The following NHERF2 variants were observed in gnomAD, a reference collection of about 807,000 sequenced individuals.
NHERF2 encodes Na(+)/H(+) exchange regulatory cofactor NHE-RF2.
At chr16:2,032,352 G>C in the NHERF2 span, among the ~76,000 whole-genome samples, 1 of 152,216 alleles carries the variant, frequency 6.6e-6, no homozygotes, top group Admixed American at 6.5e-5. The surrounding 1 kb of genome is among the most constrained non-coding windows in gnomAD (Gnocchi z 4.0). Flanking sequence ...TGAGCTCCCA[G>C]CATGGGCAGG....
At chr16:2,036,438 C>T in the NHERF2 span, 29 of 1,605,588 alleles carry the variant, frequency 1.8e-5, no homozygotes, top group Middle Eastern at 1.6e-4. Context: ...CCAGTACATC[C>T]GCTCTGTGGA....
chr16:2,037,653 G>T, the NHERF2 span: 1 of 1,590,890 alleles, frequency 6.3e-7, no homozygotes, highest in East Asian at 2.3e-5. Context: ...AGAGGCCTTG[G>T]GGTAGGCGTC....
chr16:2,035,367 C>A, the NHERF2 span: 1 of 948,346 alleles, frequency 1.1e-6, no homozygotes, highest in South Asian at 4.7e-5. Flanking sequence ...GAGGTCTGAG[C>A]GCCCCCTTGC....
the NHERF2 span, chr16:2,037,119 C>A: frequency 8.3e-7 from 1 of 1,201,796 alleles, no homozygotes; most frequent in Non-Finnish European, 1.2e-6. Flanking sequence ...GATTTTAGCC[C>A]TGTCACCTCC....
At chr16:2,038,134 G>A in the NHERF2 span, 5 of 958,856 alleles carry the variant, frequency 5.2e-6, no homozygotes, top group Non-Finnish European at 7.7e-6. Flanking sequence ...CCCCCATCCT[G>A]CCCCTGCCCA....
At chr16:2,036,177 T>C in the NHERF2 span, 1 of 755,004 alleles carries the variant, frequency 1.3e-6, no homozygotes, top group Non-Finnish European at 2.1e-6. Context: ...ACAGGCAGCC[T>C]GGGTGCCCGG....
chr16:2,036,224 G>A, the NHERF2 span: 1 of 1,247,888 alleles, frequency 8.0e-7, no homozygotes, highest in Non-Finnish European at 1.1e-6. Flanking sequence ...GCCCGTGGGG[G>A]GCACGGTACC....
At chr16:2,027,343 C>A in the NHERF2 span, 2 of 504,462 alleles carry the variant, frequency 4.0e-6, no homozygotes, top group Non-Finnish European at 6.1e-6. Context: ...TGTCGGGAGG[C>A]AGCGGCCCGG....
chr16:2,036,989 C>T, the NHERF2 span: 8 of 1,551,078 alleles, frequency 5.2e-6, no homozygotes, highest in South Asian at 8.3e-5. Flanking sequence ...ATGGAACCAG[C>T]CCTGCCCAGG....
At chr16:2,029,507 C>T in the NHERF2 span, 4 of 1,399,124 alleles carry the variant, frequency 2.9e-6, no homozygotes, top group Non-Finnish European at 3.0e-6. Context: ...CTGGGCCAGC[C>T]CAGAGTGGTG....
At chr16:2,038,285 C>T in the NHERF2 span, 7 of 538,686 alleles carry the variant, frequency 1.3e-5, no homozygotes, top group South Asian at 5.4e-5. Flanking sequence ...GCGGCAGCCG[C>T]GGGGCGAGGG....
the NHERF2 span, chr16:2,035,446 A>G: frequency 2.0e-6 from 2 of 985,468 alleles, no homozygotes; most frequent in South Asian, 4.7e-5. Context: ...GTAGGAGGTG[A>G]GGGAAGGGCC....
chr16:2,036,162 C>CT, the NHERF2 span: 13 of 677,282 alleles, frequency 1.9e-5, no homozygotes, highest in Non-Finnish European at 2.9e-5. Flanking sequence ...AGCTAAAGCT[C>CT]TGTCACAGGC....
chr16:2,038,064 C>T, the NHERF2 span: 2 of 1,524,410 alleles, frequency 1.3e-6, no homozygotes, highest in African/African-American at 2.7e-5. Context: ...GCTCCCCCAG[C>T]CTCAGTGGAC....
At chr16:2,035,707 G>A in the NHERF2 span, 2 of 985,168 alleles carry the variant, frequency 2.0e-6, no homozygotes, top group Non-Finnish European at 2.4e-6. Flanking sequence ...ACATGGGGCA[G>A]GGCCTGGGAT....
At chr16:2,032,001 T>C in the NHERF2 span, among the ~76,000 whole-genome samples, 1 of 151,090 alleles carries the variant, frequency 6.6e-6, no homozygotes, top group Non-Finnish European at 1.5e-5. The surrounding 1 kb of genome is among the most constrained non-coding windows in gnomAD (Gnocchi z 4.0). Context: ...CCCTGAGGTC[T>C]GAGGTTTCAT....
the NHERF2 span, chr16:2,037,839 G>A: frequency 6.3e-7 from 1 of 1,592,198 alleles, no homozygotes; most frequent in South Asian, 1.1e-5. Flanking sequence ...GGCAGTGCCT[G>A]GAAGCAAGAT....
At chr16:2,037,065 C>T in the NHERF2 span, 1 of 1,521,472 alleles carries the variant, frequency 6.6e-7, no homozygotes, top group Non-Finnish European at 8.9e-7. Context: ...ACAGAGGCCC[C>T]CTTCTCCCTG....
the NHERF2 span, among the ~76,000 whole-genome samples, chr16:2,032,354 A>G: frequency 3.3e-5 from 5 of 152,218 alleles, no homozygotes; most frequent in African/African-American, 4.8e-5. This position sits in a 1 kb window ranked among gnomAD's most constrained non-coding sequence, Gnocchi z 4.0. Flanking sequence ...AGCTCCCAGC[A>G]TGGGCAGGAA....
Sources: gnomAD v4.1 joint callset for allele counts (sites outside exome capture counted in the v4.1 genomes callset) on GRCh38, gnomAD v4.1.1 for gene constraint, Gnocchi (gnomAD v3.1) non-coding constraint, MANE v1.5 for transcripts, NCBI Gene and HGNC (gene_info 2026-07-23, HGNC 2026-07-21) for gene names.